EYS: variants seen among roughly 807,000 people sequenced by gnomAD.
EYS encodes the protein EGF-like photoreceptor maintenance factor.
EYS carries 250 observed loss-of-function variants against 282.1 expected under a neutral mutation model. That is an observed-to-expected ratio of 0.89 (90% confidence interval 0.80 to 0.98). EYS has a LOEUF of 0.98. Ranked by LOEUF, EYS falls within the 50% of genes least tolerant of loss-of-function variation. The probability of loss-of-function intolerance (pLI) is 0.00; values close to 1 mark genes in which losing one functional copy is unlikely to be tolerated. For synonymous variants in EYS, 1,355 were observed against 1,282.9 expected, an observed-to-expected ratio of 1.06 and a Z score of -1.20; for missense variants, 4,016 against 3,709.0, an observed-to-expected ratio of 1.08 and a Z score of -2.15.
chr6:65,480,910 T>A (rs926551222), intron 5 of EYS, among the ~76,000 whole-genome samples: 3 of 152,076 alleles, frequency 2.0e-5, no homozygotes, highest in Non-Finnish European at 4.4e-5. Flanking sequence ...AAATAAAATT[T>A]GAGCTCATGG....
intron 12 of EYS, among the ~76,000 whole-genome samples, chr6:65,156,435 T>G (rs1016864498): frequency 5.3e-5 from 8 of 151,216 alleles, no homozygotes; most frequent in Non-Finnish European, 8.9e-5. Context: ...TTTTCTGGAC[T>G]TCCTCTTTCC....
chr6:64,207,178 A>G (rs560876001), intron 31 of EYS, among the ~76,000 whole-genome samples: 28 of 152,124 alleles, frequency 1.8e-4, no homozygotes, highest in African/African-American at 6.7e-4. Flanking sequence ...TCATGAGTAG[A>G]TTAATGCTAT....
chr6:65,353,399 T>G, intron 9 of EYS, 59 bp downstream of exon 9: 1 of 1,470,590 alleles, frequency 6.8e-7, no homozygotes, highest in Non-Finnish European at 9.5e-7. Flanking sequence ...AATGAATACG[T>G]GACTAGCAAA....
chr6:64,194,075 C>T (rs1372048626), intron 31 of EYS, among the ~76,000 whole-genome samples: 2 of 151,964 alleles, frequency 1.3e-5, no homozygotes, highest in African/African-American at 2.4e-5. Context: ...GGTTTCACCA[C>T]GTAAGCCAGG....
intron 8 of EYS, among the ~76,000 whole-genome samples, chr6:65,355,456 C>A (rs1764444371): frequency 6.6e-6 from 1 of 152,042 alleles, no homozygotes; most frequent in East Asian, 1.9e-4. Flanking sequence ...GCAACTAAAA[C>A]AAAAGTAAAC....
At chr6:64,180,362 G>T (rs2150311320) in intron 31 of EYS, among the ~76,000 whole-genome samples, 1 of 152,152 alleles carries the variant, frequency 6.6e-6, no homozygotes, top group South Asian at 2.1e-4. Context: ...ATTCACAAAT[G>T]GTCATAGTTC....
At chr6:64,816,907 T>C (rs1764754644) in intron 21 of EYS, among the ~76,000 whole-genome samples, 1 of 151,566 alleles carries the variant, frequency 6.6e-6, no homozygotes, top group Non-Finnish European at 1.5e-5. Context: ...AAATATGGTG[T>C]TTCCACACAA....
At chr6:64,646,296 A>G (rs887427274) in intron 22 of EYS, among the ~76,000 whole-genome samples, 4 of 152,168 alleles carry the variant, frequency 2.6e-5, no homozygotes, top group Non-Finnish European at 5.9e-5. Flanking sequence ...ACAAATATAC[A>G]TAATCAACTT....
chr6:64,182,852 C>A (rs78312059), intron 31 of EYS, among the ~76,000 whole-genome samples: 4 of 152,246 alleles, frequency 2.6e-5, no homozygotes, highest in African/African-American at 7.2e-5. Flanking sequence ...CACCCTACTC[C>A]TGTCTACCCT....
At chr6:64,510,157 T>C (rs145081769) in intron 26 of EYS, among the ~76,000 whole-genome samples, 2,479 of 152,188 alleles carry the variant, frequency 0.016, 23 homozygotes, top group South Asian at 0.035. Context: ...AGGTAGAATA[T>C]CATAAAATGA....
At chr6:65,515,606 C>T (rs1244584954) in intron 2 of EYS, among the ~76,000 whole-genome samples, 7 of 151,880 alleles carry the variant, frequency 4.6e-5, no homozygotes, top group Non-Finnish European at 8.8e-5. Flanking sequence ...GAATACCATG[C>T]AGCCAGAAAA....
intron 2 of EYS, among the ~76,000 whole-genome samples, chr6:65,577,750 TAA>T (rs367879550): frequency 1.0e-4 from 15 of 143,870 alleles, no homozygotes; most frequent in Admixed American, 1.4e-4. Context: ...AAGCCTGTTT[TAA>T]AAAAAAAAAA....
intron 19 of EYS, among the ~76,000 whole-genome samples, chr6:64,833,796 G>A (rs1453109981): frequency 1.3e-5 from 2 of 151,856 alleles, no homozygotes; most frequent in Non-Finnish European, 2.9e-5. Context: ...TTAAAAAAAT[G>A]TAAGATTGAA....
chr6:64,903,258 G>A (rs900632158), intron 16 of EYS, among the ~76,000 whole-genome samples: 2 of 152,018 alleles, frequency 1.3e-5, no homozygotes, highest in South Asian at 2.1e-4. Context: ...AAACATGTAA[G>A]AAACAAGATT....
chr6:63,964,169 C>T (rs888595431), intron 35 of EYS, among the ~76,000 whole-genome samples: 1 of 152,128 alleles, frequency 6.6e-6, no homozygotes, highest in Non-Finnish European at 1.5e-5. Flanking sequence ...TCAGTAGACT[C>T]TCCACTAGCT....
chr6:63,773,182 T>G (rs574127947), intron 40 of EYS, among the ~76,000 whole-genome samples: 12 of 152,206 alleles, frequency 7.9e-5, no homozygotes, highest in African/African-American at 2.9e-4. Flanking sequence ...CATAATAGTG[T>G]CTGATTCTCT....
At chr6:65,687,636 C>G (rs1359735455) in intron 1 of EYS, among the ~76,000 whole-genome samples, 1 of 152,116 alleles carries the variant, frequency 6.6e-6, no homozygotes, top group African/African-American at 2.4e-5. Flanking sequence ...AAGAGGAAGT[C>G]AAATTGTCCC....
chr6:65,635,266 T>C (rs1049617448), intron 2 of EYS, among the ~76,000 whole-genome samples: 28 of 152,158 alleles, frequency 1.8e-4, no homozygotes, highest in African/African-American at 6.0e-4. Flanking sequence ...CCATCAGCCT[T>C]TTCCCATCTC....
chr6:65,068,863 T>G (rs575696332), intron 12 of EYS, among the ~76,000 whole-genome samples: 39 of 152,248 alleles, frequency 2.6e-4, no homozygotes, highest in Non-Finnish European at 5.0e-4. Context: ...TGTTAAATTC[T>G]CATGCTATTT....
Sources: allele counts gnomAD v4.1 joint callset (sites outside exome capture counted in the v4.1 genomes callset), GRCh38; gene constraint gnomAD v4.1.1; transcripts MANE v1.5; gene names NCBI Gene and HGNC (gene_info 2026-07-23, HGNC 2026-07-21).